FAM184A: variants seen among roughly 807,000 people sequenced by gnomAD.
FAM184A encodes the protein family with sequence similarity 184 member A.
A neutral mutation model predicts 143.8 loss-of-function variants in FAM184A; 99 were observed. That is an observed-to-expected ratio of 0.69 (90% CI 0.58 to 0.81). The LOEUF is 0.81. Ranked by LOEUF, FAM184A falls within the 40% of genes least tolerant of loss-of-function variation. FAM184A has a pLI of 0.00. For synonymous variants in FAM184A, 427 were observed against 446.4 expected, an observed-to-expected ratio of 0.96 and a Z score of 0.55; for missense variants, 1,217 against 1,310.5, an observed-to-expected ratio of 0.93 and a Z score of 1.10.
At chr6:118,995,196 C>A (rs532930895) in intron 9 of FAM184A, among the ~76,000 whole-genome samples, 4 of 152,194 alleles carry the variant, frequency 2.6e-5, no homozygotes, top group South Asian at 2.1e-4. Context: ...GGCAGTGGAT[C>A]GCTTGAGCCC....
chr6:119,006,736 G>T, intron 6 of FAM184A, 128 bp from the exon 7 acceptor site: 9 of 705,876 alleles, frequency 1.3e-5, no homozygotes, highest in South Asian at 8.2e-5. Flanking sequence ...TGATTAATTT[G>T]GAAAAAGCAC....
At chr6:119,102,313 C>T (rs1788658516) in intron 1 of FAM184A, among the ~76,000 whole-genome samples, 1 of 152,008 alleles carries the variant, frequency 6.6e-6, no homozygotes, top group Non-Finnish European at 1.5e-5. Flanking sequence ...TCTTAATTCC[C>T]CCCAATTATT....
intron 1 of FAM184A, among the ~76,000 whole-genome samples, chr6:119,033,625 G>A (rs891163627): frequency 1.3e-4 from 19 of 147,176 alleles, no homozygotes; most frequent in South Asian, 4.3e-4. Context: ...AGATTATGCC[G>A]CTGCACTCCA....
In FAM184A at chr6:119,127,584, G is replaced by A. The variant is rs146859329; in HGVS notation, c.-202+21494C>T. On this transcript the variant is annotated intron_variant, in intron 1 of 16. Coordinates refer to the FAM184A transcript ENST00000352896. ...TGCCACTATCTAATTATGTGATCCCGGTCAAATGATTTAACTTCTCTGGGT... is the reference window on the plus strand; with the variant it reads ...TGCCACTATCTAATTATGTGATCCCAGTCAAATGATTTAACTTCTCTGGGT... Among the ~76,000 whole-genome samples, 114 of 152,270 alleles carry A rather than the reference G, an allele frequency of 7.5e-4. 1 individual carries two copies. Among genetic ancestry groups the A allele is most frequent in the African/African-American group, 2.6e-3 (107 of 41,554 alleles).
At chr6:118,978,995 A>C (rs1783933125) in intron 11 of FAM184A, among the ~76,000 whole-genome samples, 1 of 152,176 alleles carries the variant, frequency 6.6e-6, no homozygotes, top group African/African-American at 2.4e-5. Context: ...ATTAAAACAA[A>C]ATCTTGAAGT....
chr6:118,996,357 C>T (rs1784547150), intron 9 of FAM184A, among the ~76,000 whole-genome samples: 1 of 152,132 alleles, frequency 6.6e-6, no homozygotes, highest in African/African-American at 2.4e-5. Context: ...GAATTCAGGA[C>T]TTGGCGTAGG....
At chr6:119,111,498 A>G (rs1309189220) in intron 1 of FAM184A, among the ~76,000 whole-genome samples, 1 of 152,248 alleles carries the variant, frequency 6.6e-6, no homozygotes. Flanking sequence ...ACATTCAAAA[A>G]TGGCTAAAAT....
chr6:119,125,606 C>T (rs184119621), intron 1 of FAM184A, among the ~76,000 whole-genome samples: 19 of 152,266 alleles, frequency 1.2e-4, no homozygotes, highest in Admixed American at 2.6e-4. Flanking sequence ...TAAACCTAGA[C>T]GGACACACCA....
intron 1 of FAM184A, among the ~76,000 whole-genome samples, chr6:119,127,857 A>T (rs1789415556): frequency 6.6e-6 from 1 of 151,354 alleles, no homozygotes; most frequent in Non-Finnish European, 1.5e-5. Flanking sequence ...CATTCATTCA[A>T]CAAACATTCA....
chr6:119,140,380 T>TGGCCTCATGAGA (rs1462574422), intron 1 of FAM184A, among the ~76,000 whole-genome samples: 1 of 152,218 alleles, frequency 6.6e-6, no homozygotes, highest in Non-Finnish European at 1.5e-5. Flanking sequence ...CCACTTTCCC[T>TGGCCTCATGAGA]GGCCTCATGA....
chr6:119,002,976 G>T lies in FAM184A; in HGVS notation c.2011C>A (p.Leu671Ile), dbSNP rs1293975414. 2.5e-6 allele frequency: 4 copies of T among 1,612,876 alleles called. No individual in the cohort carries two copies. In the African/African-American group the frequency reaches 4.0e-5, roughly 16 times the overall value. The change falls in exon 9 of 18, where the codon CTT becomes ATT. Residue 671 changes from leucine (L) to isoleucine (I), a missense_variant. By Grantham distance (5) the Leu-to-Ile change is conservative. Coordinates refer to ENST00000338891, the MANE Select transcript of FAM184A (RefSeq NM_024581.6). ...TTCTCTCGATCTTTCAACTGCAAAAGTTGAGACATTGCTGACTTCTTATCC... is the reference window on the plus strand; with the variant it reads ...TTCTCTCGATCTTTCAACTGCAAAATTTGAGACATTGCTGACTTCTTATCC... ...EEDKKSAMSQLLQLKDREKNA... is the reference protein window; with the variant it reads ...EEDKKSAMSQILQLKDREKNA...
chr6:119,115,808 C>CAAA (rs66619118), intron 1 of FAM184A, among the ~76,000 whole-genome samples: 1 of 142,412 alleles, frequency 7.0e-6, no homozygotes, highest in African/African-American at 2.6e-5. Flanking sequence ...ACTAAAAATA[C>CAAA]AAAAAAAAAA....
chr6:119,125,853 G>C (rs1789351291), intron 1 of FAM184A, among the ~76,000 whole-genome samples: 1 of 152,214 alleles, frequency 6.6e-6, no homozygotes, highest in Admixed American at 6.5e-5. Flanking sequence ...TAGCACTCCA[G>C]CCACTCAGAG....
At chr6:119,049,051 G>A (rs1016062722) in intron 1 of FAM184A, among the ~76,000 whole-genome samples, 4 of 152,118 alleles carry the variant, frequency 2.6e-5, no homozygotes, top group Non-Finnish European at 5.9e-5. Context: ...ATATAGCCAA[G>A]GCAATCCTAA....
At chr6:119,102,784 C>CAAAAAAAAAAAAAAAAAAAAAAA (rs58686018) in intron 1 of FAM184A, among the ~76,000 whole-genome samples, 4 of 30,110 alleles carry the variant, frequency 1.3e-4, no homozygotes, top group East Asian at 1.5e-3. Context: ...GACTCCATCT[C>CAAAAAAAAAAAAAAAAAAAAAAA]AAAAAAAAAA....
chr6:119,099,881 G>A (rs1446571415), intron 1 of FAM184A, among the ~76,000 whole-genome samples: 1 of 152,148 alleles, frequency 6.6e-6, no homozygotes, highest in Non-Finnish European at 1.5e-5. Context: ...AATCCTGTGA[G>A]CGACTCTAGC....
chr6:119,052,038 TC>T (rs1786789586), intron 1 of FAM184A, among the ~76,000 whole-genome samples: 1 of 152,170 alleles, frequency 6.6e-6, no homozygotes, highest in Non-Finnish European at 1.5e-5. Flanking sequence ...CCTGAACATC[TC>T]CTGAGGTACG....
intron 1 of FAM184A, among the ~76,000 whole-genome samples, chr6:119,038,048 C>T (rs1316234356): frequency 6.6e-6 from 1 of 152,004 alleles, no homozygotes; most frequent in Non-Finnish European, 1.5e-5. Flanking sequence ...TTGACTTGTC[C>T]AGCACAGCCC....
At chr6:119,053,605 G>A (rs1238191815) in intron 1 of FAM184A, among the ~76,000 whole-genome samples, 1 of 152,142 alleles carries the variant, frequency 6.6e-6, no homozygotes, top group East Asian at 1.9e-4. Flanking sequence ...TCAATTTAGG[G>A]TAGAGGTAGG....
Sources: gnomAD v4.1 joint callset for allele counts (sites outside exome capture counted in the v4.1 genomes callset) on GRCh38, gnomAD v4.1.1 for gene constraint, MANE v1.5 for transcripts, NCBI Gene and HGNC (gene_info 2026-07-23, HGNC 2026-07-21) for gene names.